ANO10: variants seen among roughly 807,000 people sequenced by gnomAD.
ANO10 encodes anoctamin-10.
A neutral mutation model predicts 74.7 loss-of-function variants in ANO10; 77 were observed. The observed-to-expected ratio is 1.03, with a 90% confidence interval of 0.86 to 1.25. ANO10 has a LOEUF of 1.25. ANO10 is among the 50% of genes most tolerant of loss of function. The pLI is 0.00. For synonymous variants in ANO10, 279 were observed against 284.9 expected (o/e 0.98, Z 0.21); for missense variants, 721 against 778.1 (o/e 0.93, Z 0.87).
At chr3:43,450,951 C>T (rs776010422) in intron 11 of ANO10, among the ~76,000 whole-genome samples, 1 of 152,102 alleles carries the variant, frequency 6.6e-6, no homozygotes, top group Non-Finnish European at 1.5e-5. Flanking sequence ...TTTTCTGTTG[C>T]TTAGGCTTTA....
chr3:43,606,574 A>T (rs2082575241), intron 1 of ANO10, among the ~76,000 whole-genome samples: 1 of 152,152 alleles, frequency 6.6e-6, no homozygotes, highest in Admixed American at 6.6e-5. Flanking sequence ...TGGTCTGAAC[A>T]ATGACAATGA....
At chr3:43,656,678 T>C (rs2083857443) in intron 1 of ANO10, among the ~76,000 whole-genome samples, 1 of 152,194 alleles carries the variant, frequency 6.6e-6, no homozygotes, top group African/African-American at 2.4e-5. Flanking sequence ...GGATGCTAAG[T>C]CCCTCATTGC....
intron 11 of ANO10, among the ~76,000 whole-genome samples, chr3:43,437,073 G>A (rs1184765820): frequency 2.6e-5 from 4 of 152,108 alleles, no homozygotes; most frequent in African/African-American, 9.7e-5. Flanking sequence ...ATGGAGCAGA[G>A]ATTGAAAAAA....
upstream of ANO10, among the ~76,000 whole-genome samples, chr3:43,625,517 A>T (rs1463044947): frequency 6.6e-6 from 1 of 152,244 alleles, no homozygotes; most frequent in Non-Finnish European, 1.5e-5. Flanking sequence ...AGACATGGGC[A>T]GCAGTGGACT....
At chr3:43,433,435 G>C (rs574477942) in intron 11 of ANO10, among the ~76,000 whole-genome samples, 1 of 152,226 alleles carries the variant, frequency 6.6e-6, no homozygotes, top group Non-Finnish European at 1.5e-5. Flanking sequence ...TTCAGTTTGA[G>C]TTACATGAAA....
At chr3:43,656,546 G>A (rs1380903659) in intron 1 of ANO10, among the ~76,000 whole-genome samples, 2 of 152,248 alleles carry the variant, frequency 1.3e-5, no homozygotes, top group Non-Finnish European at 2.9e-5. Context: ...CAGGCATGGC[G>A]GGCTGCAGGT....
intron 1 of ANO10, among the ~76,000 whole-genome samples, chr3:43,612,588 C>G (rs1398236582): frequency 6.6e-6 from 1 of 152,144 alleles, no homozygotes; most frequent in Non-Finnish European, 1.5e-5. Context: ...GATTCTCAAC[C>G]AGGGCAATTT....
At chr3:43,610,447 T>C (rs1381441417) in intron 1 of ANO10, among the ~76,000 whole-genome samples, 1 of 152,158 alleles carries the variant, frequency 6.6e-6, no homozygotes, top group Non-Finnish European at 1.5e-5. Context: ...TTCATTACCA[T>C]TGTCAGGTAT....
At chr3:43,402,105 C>T (rs2092492568) in intron 12 of ANO10, among the ~76,000 whole-genome samples, 1 of 152,228 alleles carries the variant, frequency 6.6e-6, no homozygotes. Context: ...CTCTGGCATG[C>T]CTGCTCACTC....
At chr3:43,567,019 A>T (rs1194183005) in intron 7 of ANO10, among the ~76,000 whole-genome samples, 1 of 152,218 alleles carries the variant, frequency 6.6e-6, no homozygotes, top group Non-Finnish European at 1.5e-5. Context: ...CCAAGGCTCG[A>T]GAACTACGTG....
At chr3:43,532,332 C>A (rs1436696747) in intron 11 of ANO10, among the ~76,000 whole-genome samples, 1 of 152,190 alleles carries the variant, frequency 6.6e-6, no homozygotes, top group African/African-American at 2.4e-5. Flanking sequence ...GCTGCCTTGC[C>A]ATCCTTGCTC....
intron 11 of ANO10, among the ~76,000 whole-genome samples, chr3:43,526,620 T>G (rs1472511200): frequency 6.6e-6 from 1 of 152,176 alleles, no homozygotes; most frequent in Non-Finnish European, 1.5e-5. Flanking sequence ...TGGTGGTGAC[T>G]AGGAAGAGCA....
intron 1 of ANO10, among the ~76,000 whole-genome samples, chr3:43,669,322 A>G (rs2084028085): frequency 6.6e-6 from 1 of 152,146 alleles, no homozygotes; most frequent in Non-Finnish European, 1.5e-5. Flanking sequence ...GGAATATGTC[A>G]CCAATATTCT....
rs141508889 is a variant in ANO10 at position 43,422,192 on chromosome 3, T to C, written c.1914+10419A>G. ...AGTGCAGTGGTGAGATCTCAGCTCA[T>C]TGCAACCTCTGCCTCACGGGTTCAA... is the stretch of plus-strand genomic sequence containing the variant. On this transcript the variant is annotated intron_variant, in intron 12 of 12. Coordinates refer to ENST00000292246, the MANE Select transcript of ANO10 (RefSeq NM_018075.5). Among the ~76,000 whole-genome samples, 1,161 of 152,260 alleles carry C rather than the reference T, an allele frequency of 7.6e-3. 14 individuals carry two copies. Among genetic ancestry groups the C allele is most frequent in the African/African-American group, 0.025 (1,041 of 41,544 alleles).
chr3:43,493,363 C>T (rs961433256), intron 11 of ANO10, among the ~76,000 whole-genome samples: 4 of 151,622 alleles, frequency 2.6e-5, no homozygotes, highest in Non-Finnish European at 5.9e-5. Context: ...TTTATACCTA[C>T]GTAACAAAAG....
At chr3:43,630,638 C>T (rs1220944394) in intron 1 of ANO10, among the ~76,000 whole-genome samples, 2 of 152,170 alleles carry the variant, frequency 1.3e-5, no homozygotes, top group East Asian at 3.8e-4. Context: ...GTTACCTCTG[C>T]CTGGAATACT....
At chr3:43,454,937 A>C (rs2075058359) in intron 11 of ANO10, among the ~76,000 whole-genome samples, 1 of 152,176 alleles carries the variant, frequency 6.6e-6, no homozygotes, top group South Asian at 2.1e-4. Context: ...AGAAAGGGAA[A>C]AAGACAATGC....
At chr3:43,501,037 C>T (rs771816754) in intron 11 of ANO10, among the ~76,000 whole-genome samples, 1 of 152,156 alleles carries the variant, frequency 6.6e-6, no homozygotes, top group African/African-American at 2.4e-5. Flanking sequence ...AAGATGCCAT[C>T]GTCCATTAGT....
chr3:43,385,404 C>T (rs1156985695), intron 12 of ANO10, among the ~76,000 whole-genome samples: 1 of 152,178 alleles, frequency 6.6e-6, no homozygotes, highest in Non-Finnish European at 1.5e-5. Flanking sequence ...AATCCCACTA[C>T]TAGGTATCTC....
Sources: gnomAD v4.1 joint callset for allele counts (sites outside exome capture counted in the v4.1 genomes callset) on GRCh38, gnomAD v4.1.1 for gene constraint, MANE v1.5 for transcripts, NCBI Gene and HGNC (gene_info 2026-07-23, HGNC 2026-07-21) for gene names.